EML6: variants seen among roughly 807,000 people sequenced by gnomAD.
EML6 encodes EMAP like 6.
A neutral mutation model predicts 240.1 loss-of-function variants in EML6; 154 were observed. The observed-to-expected ratio is 0.64, with a 90% CI of 0.56 to 0.73. The LOEUF (loss-of-function observed/expected upper bound fraction) is 0.73, where lower values mean the gene tolerates loss of function less well. EML6 is among the 30% of genes least tolerant of loss of function. EML6 has a pLI of 0.00. For missense variants in EML6, 2,964 were observed against 2,474.6 expected, an observed-to-expected ratio of 1.20 and a Z score of -4.20; for synonymous variants, 1,148 against 899.0, an observed-to-expected ratio of 1.28 and a Z score of -4.95.
At chr2:54,963,955 G>A (rs1362380276) in intron 36 of EML6, 31 bp from the exon 37 acceptor site, 3 of 1,534,006 alleles carry the variant, frequency 2.0e-6, no homozygotes, top group Non-Finnish European at 2.6e-6. Flanking sequence ...GGGGCCAAGA[G>A]CTCAGGTGAC....
chr2:54,870,386 T>C (rs964611128), intron 15 of EML6, among the ~76,000 whole-genome samples: 4 of 149,716 alleles, frequency 2.7e-5, no homozygotes, highest in Non-Finnish European at 6.0e-5. Flanking sequence ...TATACATGAA[T>C]TTGCTGGCCC....
At position 54,869,297 on chromosome 2, in the gene EML6, A is replaced by T; in HGVS notation, c.2168A>T (p.Tyr723Phe). ...CGGCAGCAGCACTCCCAGAGGCTGTACCTGGGGCACGATGACGACATTCTC... is the reference window on the plus strand; with the variant it reads ...CGGCAGCAGCACTCCCAGAGGCTGTTCCTGGGGCACGATGACGACATTCTC... ...YNRQQHSQRLYLGHDDDILSL... is the reference protein window; with the variant it reads ...YNRQQHSQRLFLGHDDDILSL... Residue 723 changes from tyrosine to phenylalanine, a missense_variant, in exon 15 of 42, where the codon TAC (tyrosine) becomes TTC (phenylalanine). Tyr to Phe is a conservative substitution (Grantham distance 22, BLOSUM62 3). Transcript: ENST00000356458. 6.4e-7 allele frequency: 1 copy of T among 1,551,668 alleles called. No individual in the cohort carries two copies.
intron 17 of EML6, among the ~76,000 whole-genome samples, chr2:54,884,296 C>T (rs1395885950): frequency 2.0e-5 from 3 of 152,148 alleles, no homozygotes; most frequent in Non-Finnish European, 4.4e-5. Context: ...CTTCCATGGC[C>T]TCCCTGGGTG....
rs552755496 is a variant in EML6, at chr2:54,928,537, GCCTCCTGCGCCGAATGCA to G, written c.3877+29_3877+46del. On this transcript the variant is annotated intron_variant, in intron 27 of 41. Coordinates refer to ENST00000356458, the MANE Select transcript of EML6 (RefSeq NM_001039753.4). Reference sequence around the variant, plus strand: ...GAGGTGAGCCCCCCACCTGCCACATGCCTCCTGCGCCGAATGCACCTCCCAACACCTCCCTTCCTGGGC... The same window carrying G: ...GAGGTGAGCCCCCCACCTGCCACATGCCTCCCAACACCTCCCTTCCTGGGC... 1.0e-4 allele frequency: 158 copies of G among 1,545,196 alleles called. No homozygotes were observed. In the African/African-American group the frequency reaches 2.0e-3, roughly 20 times the overall value.
intron 28 of EML6, among the ~76,000 whole-genome samples, chr2:54,945,093 C>T (rs900153143): frequency 5.7e-5 from 7 of 121,824 alleles, no homozygotes; most frequent in African/African-American, 1.9e-4. Flanking sequence ...TCCCTCTCTC[C>T]CTCCTCTCCC....
chr2:54,809,380 T>C (rs76466459), intron 2 of EML6, among the ~76,000 whole-genome samples: 1 of 152,162 alleles, frequency 6.6e-6, no homozygotes, highest in Admixed American at 6.5e-5. Flanking sequence ...ACTTGCGCTA[T>C]GGGAGGACAC....
chr2:54,915,538 G>A (rs891395804), intron 25 of EML6, among the ~76,000 whole-genome samples: 2 of 152,104 alleles, frequency 1.3e-5, no homozygotes, highest in Non-Finnish European at 2.9e-5. Flanking sequence ...ACCTTGGTCT[G>A]TGTTCCTACC....
chr2:54,937,266 G>A (rs1210207850), intron 28 of EML6, among the ~76,000 whole-genome samples: 24 of 141,340 alleles, frequency 1.7e-4, no homozygotes, highest in East Asian at 9.9e-4. Flanking sequence ...CAACAAGAGC[G>A]AAACTCTGTC....
At position 54,813,344 on chromosome 2, in the gene EML6, G is replaced by A. The variant is rs1667944644; in HGVS notation, c.310G>A (p.Val104Ile). 10 of 1,551,654 alleles carry A rather than the reference G, an allele frequency of 6.4e-6. No individual in the cohort carries two copies. The highest frequency in any genetic ancestry group is 4.9e-5 in the East Asian group (2 of 40,924). The change falls in exon 3 of 42, where the codon GTC (valine) becomes ATC (isoleucine). Residue 104 changes from valine (V) to isoleucine (I), a missense_variant. Physicochemically the swap from Val to Ile is conservative, Grantham distance 29 (BLOSUM62 3). Transcript: ENST00000356458. ...NVQTVSLLKD[V>I]HTHGVACLAF... Reference sequence around the variant, plus strand: ...CCAGACTGTGTCTCTTCTTAAAGATGTCCATACACATGGAGTTGCCTGCCT... The same window carrying A: ...CCAGACTGTGTCTCTTCTTAAAGATATCCATACACATGGAGTTGCCTGCCT...
intron 13 of EML6, among the ~76,000 whole-genome samples, chr2:54,866,294 G>GTTAGA (rs1670966920): frequency 6.6e-6 from 1 of 152,150 alleles, no homozygotes; most frequent in African/African-American, 2.4e-5. Flanking sequence ...TAGGTCCCAA[G>GTTAGA]TTAGACCAAG....
chr2:54,752,903 C>T (rs1427497828), intron 2 of EML6, among the ~76,000 whole-genome samples: 1 of 152,226 alleles, frequency 6.6e-6, no homozygotes, highest in Non-Finnish European at 1.5e-5. Context: ...ATTCTCCTGC[C>T]TCAGCCTCCC....
At chr2:54,959,337 T>C in intron 34 of EML6, 76 bp downstream of exon 34, 1 of 1,371,844 alleles carries the variant, frequency 7.3e-7, no homozygotes, top group South Asian at 1.5e-5. Flanking sequence ...TGTTCCCAAC[T>C]TGGAGAAAAT....
chr2:54,840,529 C>G (rs888273825), intron 7 of EML6, among the ~76,000 whole-genome samples: 1 of 152,176 alleles, frequency 6.6e-6, no homozygotes, highest in Non-Finnish European at 1.5e-5. Flanking sequence ...ATCTTGTTCA[C>G]TGTTAAGCTC....
At chr2:54,748,695 GACTACAGGTGCA>G (rs1458033521) in intron 2 of EML6, among the ~76,000 whole-genome samples, 1 of 152,098 alleles carries the variant, frequency 6.6e-6, no homozygotes, top group Non-Finnish European at 1.5e-5. Flanking sequence ...GAGTAGCTGG[GACTACAGGTGCA>G]TGCCACACTC....
At chr2:54,797,167 A>AAAAAAAAAAAAAAAAAAAAAAAAAAAAAC (rs1669839577) in intron 2 of EML6, among the ~76,000 whole-genome samples, 2 of 113,942 alleles carry the variant, frequency 1.8e-5, no homozygotes, top group Non-Finnish European at 3.9e-5. Context: ...TCCATCTCAA[A>AAAAAAAAAAAAAAAAAAAAAAAAAAAAAC]AAAAAAAAAA....
chr2:54,949,039 A>C (rs1006014961), intron 29 of EML6, 79 bp downstream of exon 29: 81 of 1,056,720 alleles, frequency 7.7e-5, no homozygotes, highest in Non-Finnish European at 1.0e-4. Context: ...GCACGTCCCA[A>C]AGACACAGTC....
chr2:54,903,056 G>A lies in EML6; in HGVS notation c.3137G>A (p.Cys1046Tyr). 6.4e-7 allele frequency: 1 copy of A among 1,551,524 alleles called. No homozygotes were observed. The highest frequency in any genetic ancestry group is 8.7e-7 in the Non-Finnish European group (1 of 1,146,954). ...VRKLKKGGRCCAFSPDGKALA... is the reference protein window; with the variant it reads ...VRKLKKGGRCYAFSPDGKALA... ...GATTCTTCTGTAGGTGGAAGATGCTGTGCCTTTTCCCCTGATGGGAAAGCC... is the reference window on the plus strand; with the variant it reads ...GATTCTTCTGTAGGTGGAAGATGCTATGCCTTTTCCCCTGATGGGAAAGCC... Residue 1046 changes from cysteine to tyrosine, a missense_variant, in exon 23 of 42, where the codon TGT becomes TAT. Transcript: ENST00000356458.
intron 24 of EML6, among the ~76,000 whole-genome samples, chr2:54,907,289 C>G (rs1673374289): frequency 6.6e-6 from 1 of 152,040 alleles, no homozygotes; most frequent in South Asian, 2.1e-4. Flanking sequence ...GGTGGGTGAC[C>G]TGAGGTGAGG....
chr2:54,763,018 G>C (rs1668043519), intron 2 of EML6, among the ~76,000 whole-genome samples: 1 of 152,112 alleles, frequency 6.6e-6, no homozygotes. Context: ...TTCCAACACA[G>C]CTTCCCACCC....
Sources: gnomAD v4.1 joint callset for allele counts (sites outside exome capture counted in the v4.1 genomes callset) on GRCh38, gnomAD v4.1.1 for gene constraint, MANE v1.5 for transcripts, NCBI Gene and HGNC (gene_info 2026-07-23, HGNC 2026-07-21) for gene names.